STK31: variants seen among roughly 807,000 people sequenced by gnomAD.
STK31 encodes the protein serine/threonine kinase 31.
Under a neutral mutation model 129.7 loss-of-function variants are expected in STK31, and 89 were observed. That is an observed-to-expected ratio of 0.69 (90% CI 0.58 to 0.82). The LOEUF (loss-of-function observed/expected upper bound fraction) is 0.82, where lower values mean the gene tolerates loss of function less well. Ranked by LOEUF, STK31 falls within the 40% of genes least tolerant of loss-of-function variation. The pLI is 0.00. For synonymous variants in STK31, 448 were observed against 395.3 expected (o/e 1.13, Z -1.58); for missense variants, 1,187 against 1,176.4 (o/e 1.01, Z -0.13).
intron 6 of STK31, 42 bp downstream of exon 6, chr7:23,729,291 A>C: frequency 6.6e-7 from 1 of 1,520,846 alleles, no homozygotes; most frequent in South Asian, 1.3e-5. Flanking sequence ...TGAAAGTAAA[A>C]CTATGTGCTT....
intron 15 of STK31, among the ~76,000 whole-genome samples, chr7:23,778,038 CAA>C (rs998935784): frequency 1.3e-5 from 2 of 152,114 alleles, no homozygotes; most frequent in African/African-American, 4.8e-5. Context: ...CTGATTGTGA[CAA>C]AGTCTCTCAG....
intron 22 of STK31, among the ~76,000 whole-genome samples, chr7:23,796,081 G>A (rs1440848569): frequency 6.6e-6 from 1 of 152,168 alleles, no homozygotes; most frequent in East Asian, 1.9e-4. Context: ...GGGGCCTGGG[G>A]TGGAATGATA....
intron 23 of STK31, among the ~76,000 whole-genome samples, chr7:23,824,317 C>T (rs1477042683): frequency 6.6e-6 from 1 of 152,102 alleles, no homozygotes; most frequent in Non-Finnish European, 1.5e-5. Flanking sequence ...CCTTCACATC[C>T]CTTGTAAGTT....
intron 22 of STK31, among the ~76,000 whole-genome samples, chr7:23,810,596 C>T (rs1365057789): frequency 8.2e-6 from 1 of 121,674 alleles, no homozygotes; most frequent in Admixed American, 9.7e-5. Flanking sequence ...AAGAGTCCAT[C>T]TTTTTATATA....
chr7:23,754,265 C>A, intron 9 of STK31, 50 bp from the exon 10 acceptor site: 3 of 1,578,656 alleles, frequency 1.9e-6, no homozygotes, highest in Non-Finnish European at 2.6e-6. Context: ...TTTTCTCACA[C>A]CAGCTTTCTA....
chr7:23,710,203 G>A (rs573939172), upstream of STK31: 68 of 1,606,470 alleles, frequency 4.2e-5, 1 homozygote, highest in South Asian at 2.6e-4. Context: ...GCACGCAGGC[G>A]CAGTGTGGGG....
intron 18 of STK31, among the ~76,000 whole-genome samples, chr7:23,786,258 T>C (rs1220123762): frequency 6.6e-6 from 1 of 152,070 alleles, no homozygotes; most frequent in Admixed American, 6.6e-5. Context: ...CTGTTAATCA[T>C]GATAATAAGA....
chr7:23,759,051 G>T (rs1038207801), intron 10 of STK31, among the ~76,000 whole-genome samples: 1 of 152,074 alleles, frequency 6.6e-6, no homozygotes, highest in Non-Finnish European at 1.5e-5. Context: ...AAGGCATTAC[G>T]TAATGGTAAA....
intron 8 of STK31, among the ~76,000 whole-genome samples, chr7:23,741,956 T>C (rs926791464): frequency 6.6e-6 from 1 of 152,232 alleles, no homozygotes; most frequent in African/African-American, 2.4e-5. Flanking sequence ...GTGACACTTT[T>C]GGCCTGTGCC....
intron 6 of STK31, among the ~76,000 whole-genome samples, chr7:23,734,357 G>A (rs146442083): frequency 1.7e-3 from 254 of 152,186 alleles, no homozygotes; most frequent in African/African-American, 5.7e-3. Flanking sequence ...TATATATTCC[G>A]AAAAAGAATA....
Position 23,737,035 on chromosome 7 carries a change from A to G in STK31, c.974A>G (p.Lys325Arg). 6.2e-7 allele frequency: 1 copy of G among 1,611,830 alleles called. No homozygotes were observed. The highest frequency in any genetic ancestry group is 8.5e-7 in the Non-Finnish European group (1 of 1,179,612). Reference protein sequence around the residue: ...TEKDALLESYKALELKVEQIA... With the variant: ...TEKDALLESYRALELKVEQIA... Reference sequence around the variant, plus strand: ...AAGGACGCTCTTCTTGAAAGTTATAAGGCGTTAGAATTGAAAGTAGAGCAG... The same window carrying G: ...AAGGACGCTCTTCTTGAAAGTTATAGGGCGTTAGAATTGAAAGTAGAGCAG... Residue 325 changes from lysine (K) to arginine (R), a missense_variant, in exon 8 of 24, where the codon AAG (lysine) becomes AGG (arginine). This residue lies in a region of STK31 where 975 missense variants were observed against 934.9 expected (regional missense o/e 1.04). Transcript: ENST00000355870.
At chr7:23,791,807 A>G (rs997868277) in intron 22 of STK31, among the ~76,000 whole-genome samples, 5 of 152,218 alleles carry the variant, frequency 3.3e-5, no homozygotes, top group African/African-American at 1.2e-4. Flanking sequence ...AAGGAAGACT[A>G]TTCTTATCAG....
intron 18 of STK31, 48 bp downstream of exon 18, chr7:23,785,651 A>T (rs757748457): frequency 8.9e-6 from 14 of 1,569,756 alleles, no homozygotes; most frequent in Non-Finnish European, 9.5e-6. Context: ...AGCATAAAGG[A>T]TAGTGGTGCT....
chr7:23,742,758 C>A (rs1788124535), intron 8 of STK31, among the ~76,000 whole-genome samples: 1 of 152,006 alleles, frequency 6.6e-6, no homozygotes, highest in Admixed American at 6.6e-5. Context: ...CATTCTTAGT[C>A]TGTTCAAAAT....
Position 23,784,643 on chromosome 7 carries a change from G to A in STK31, c.2149-835G>A, listed in dbSNP as rs976666916. On this transcript the variant is annotated intron_variant, in intron 17 of 23. Coordinates refer to ENST00000355870, the MANE Select transcript of STK31 (RefSeq NM_031414.5). ...ATGTATGCTTAGGAATTTTTTGTAG[G>A]TTGATTATGTATTGTAGAATACTTA... is the stretch of plus-strand genomic sequence containing the variant. Among the ~76,000 whole-genome samples the A allele has an allele frequency of 2.6e-5, 4 of 151,548 alleles. 1 individual carries two copies. In the South Asian group the frequency reaches 8.3e-4, roughly 32 times the overall value.
At chr7:23,771,365 G>C (rs909597258) in intron 14 of STK31, 1 of 288,982 alleles carries the variant, frequency 3.5e-6, no homozygotes, top group Admixed American at 5.1e-5. Context: ...GCCTGTATGA[G>C]TCTACTGTAG....
intron 8 of STK31, among the ~76,000 whole-genome samples, chr7:23,745,696 A>T (rs1039633645): frequency 1.3e-5 from 2 of 152,064 alleles, no homozygotes. Flanking sequence ...GTGAAGATGC[A>T]TGGCTACCCT....
At chr7:23,766,202 C>A (rs1275603630) in intron 11 of STK31, among the ~76,000 whole-genome samples, 2 of 152,158 alleles carry the variant, frequency 1.3e-5, no homozygotes, top group Non-Finnish European at 2.9e-5. Context: ...ATAGCAAGTT[C>A]AAAGGCCATG....
At chr7:23,800,829 T>C (rs1185953672) in intron 22 of STK31, among the ~76,000 whole-genome samples, 1 of 148,696 alleles carries the variant, frequency 6.7e-6, no homozygotes, top group East Asian at 1.9e-4. Context: ...TTTGTGAGTC[T>C]AGCTTCTTTC....
Sources: gnomAD v4.1 joint callset for allele counts (sites outside exome capture counted in the v4.1 genomes callset) on GRCh38, gnomAD v4.1.1 for gene constraint, gnomAD v4.1.1 regional missense constraint, MANE v1.5 for transcripts, NCBI Gene and HGNC (gene_info 2026-07-23, HGNC 2026-07-21) for gene names.